The following NPAS2 variants were observed in gnomAD, a reference collection of about 807,000 sequenced individuals.
NPAS2 encodes neuronal PAS domain-containing protein 2.
NPAS2 carries 23 observed loss-of-function variants against 107.5 expected under a neutral mutation model. That is an observed-to-expected ratio of 0.21 (90% CI 0.15 to 0.30). The LOEUF is 0.30. Among genes scored for constraint, NPAS2 ranks in the 10% least tolerant of loss-of-function variants. The pLI is 1.00. For synonymous variants in NPAS2, 403 were observed against 417.5 expected (o/e 0.97, Z 0.42); for missense variants, 756 against 1,043.3 (o/e 0.72, Z 3.79).
chr2:100,995,204 C>T (rs1678375404), intron 20 of NPAS2, 196 bp from the exon 21 acceptor site: 2 of 489,078 alleles, frequency 4.1e-6, no homozygotes, highest in Non-Finnish European at 7.1e-6. Context: ...CTTCAGAATT[C>T]ACCCTAAGGT....
chr2:100,839,466 A>G lies in NPAS2; in HGVS notation c.-23+19052A>G, dbSNP rs562806052. Among the ~76,000 whole-genome samples the G allele has an allele frequency of 6.6e-5, 10 of 152,242 alleles. No individual in the cohort carries two copies. The South Asian group carries it at 2.1e-3, about 32-fold the overall frequency. ...CCTTTATCTTGATGCACTTCCATTT[A>G]GTGAAGAGTAGATAGATCTCCTCTT... is the stretch of plus-strand genomic sequence containing the variant. On this transcript the variant is annotated intron_variant, in intron 1 of 20. Transcript: ENST00000335681.
At chr2:100,988,529 G>T (rs1319727171) in intron 17 of NPAS2, 2 of 497,610 alleles carry the variant, frequency 4.0e-6, no homozygotes, top group South Asian at 4.8e-5. Context: ...CGTGCTTAAA[G>T]ATATCACTCG....
chr2:100,935,426 A>G (rs1332803712), intron 4 of NPAS2, among the ~76,000 whole-genome samples: 1 of 152,194 alleles, frequency 6.6e-6, no homozygotes, highest in African/African-American at 2.4e-5. Context: ...TCACCATTCC[A>G]TGGATAGGGG....
chr2:100,990,518 G>A, intron 18 of NPAS2, 72 bp downstream of exon 18: 1 of 1,497,822 alleles, frequency 6.7e-7, no homozygotes, highest in Non-Finnish European at 9.3e-7. Context: ...TCTACTTTCT[G>A]CTTTAGACGG....
intron 1 of NPAS2, among the ~76,000 whole-genome samples, chr2:100,899,602 G>T (rs1438853554): frequency 1.3e-5 from 2 of 152,174 alleles, no homozygotes; most frequent in Non-Finnish European, 2.9e-5. Context: ...ACAGGAAACT[G>T]GGTGTGGGGA....
intron 10 of NPAS2, among the ~76,000 whole-genome samples, chr2:100,967,469 G>T (rs59710980): frequency 6.6e-5 from 10 of 151,684 alleles, no homozygotes; most frequent in African/African-American, 2.4e-4. Flanking sequence ...CTCATGATCC[G>T]CCTGCCTCAG....
At chr2:100,873,450 C>G (rs1448532237) in intron 1 of NPAS2, among the ~76,000 whole-genome samples, 3 of 150,416 alleles carry the variant, frequency 2.0e-5, no homozygotes, top group Non-Finnish European at 4.4e-5. Flanking sequence ...GATTCATTTT[C>G]TCAATACAAC....
chr2:100,871,513 T>C (rs562050707), intron 1 of NPAS2, among the ~76,000 whole-genome samples: 2 of 152,024 alleles, frequency 1.3e-5, no homozygotes, highest in South Asian at 2.1e-4. Context: ...GTATTTTTGG[T>C]AGAGACAAGG....
chr2:100,873,275 CATATATATATATATAT>C (rs376842348), intron 1 of NPAS2, among the ~76,000 whole-genome samples: 1,442 of 77,160 alleles, frequency 0.019, 28 homozygotes, highest in South Asian at 0.036. Flanking sequence ...AAAAAAAATA[CATATATATATATATAT>C]ATATATATAT....
chr2:100,913,702 C>T (rs746101822), intron 2 of NPAS2, among the ~76,000 whole-genome samples: 3 of 152,038 alleles, frequency 2.0e-5, no homozygotes, highest in Non-Finnish European at 4.4e-5. Context: ...TGAGGAGTTC[C>T]GATTCAATGG....
chr2:100,831,425 A>T (rs1285977487), intron 1 of NPAS2, among the ~76,000 whole-genome samples: 1 of 152,216 alleles, frequency 6.6e-6, no homozygotes, highest in Non-Finnish European at 1.5e-5. Context: ...TTCCCTGGAG[A>T]TCAAGATCTA....
intron 20 of NPAS2, 154 bp from the exon 21 acceptor site, chr2:100,995,246 G>A: frequency 1.8e-6 from 1 of 544,348 alleles, no homozygotes. Flanking sequence ...CACACCCCCA[G>A]GTCTTGCCAG....
At chr2:100,936,120 G>C in intron 4 of NPAS2, among the ~76,000 whole-genome samples, 1 of 152,172 alleles carries the variant, frequency 6.6e-6, no homozygotes, top group Admixed American at 6.5e-5. Flanking sequence ...AATCCTACCA[G>C]CTGTCGGTGT....
At chr2:100,954,884 TTTG>T (rs1675476457) in intron 7 of NPAS2, among the ~76,000 whole-genome samples, 2 of 152,022 alleles carry the variant, frequency 1.3e-5, no homozygotes, top group Non-Finnish European at 2.9e-5. Flanking sequence ...TTTGTTTTTT[TTTG>T]GTTTTTTTGA....
At chr2:100,880,521 A>G (rs535034305) in intron 1 of NPAS2, among the ~76,000 whole-genome samples, 1 of 152,302 alleles carries the variant, frequency 6.6e-6, no homozygotes, top group South Asian at 2.1e-4. Context: ...TAAATGAAAG[A>G]CGCCATGGCA....
Position 100,820,980 on chromosome 2 carries a change from A to T in NPAS2, c.-23+566A>T, listed in dbSNP as rs1435671377. ...CAGACAGCGTGCAGCCTGGCTCCTC[A>T]CGTCGCTGCCGCCCCCCCACCCCAA... is the stretch of plus-strand genomic sequence containing the variant. On this transcript the variant is annotated intron_variant, in intron 1 of 20. Coordinates refer to ENST00000335681, the MANE Select transcript of NPAS2 (RefSeq NM_002518.4). The surrounding 1 kb of genome is among the most constrained non-coding windows in gnomAD (Gnocchi z 5.6). 3.2e-6 allele frequency: 4 copies of T among 1,233,896 alleles called. No individual in the cohort carries two copies. The highest frequency in any genetic ancestry group is 4.2e-6 in the Non-Finnish European group (4 of 941,382). 76.4% of individuals were successfully genotyped at this position (1,233,896 alleles called of 1,614,324 possible). A position where few individuals can be genotyped will look rare whatever the true frequency, so the allele number is the denominator to read the frequency against.
chr2:100,908,912 A>G (rs1372898102), intron 2 of NPAS2, among the ~76,000 whole-genome samples: 2 of 152,228 alleles, frequency 1.3e-5, no homozygotes, highest in African/African-American at 2.4e-5. Flanking sequence ...TGGTTCTGAA[A>G]CATCAGCTAA....
rs769261008 is a variant in NPAS2 at position 100,982,265 on chromosome 2, A to G, written c.1517A>G (p.Lys506Arg). The G allele has an allele frequency of 1.2e-6, 2 of 1,614,242 alleles. No homozygotes were observed. Among genetic ancestry groups the G allele is most frequent in the South Asian group, 2.2e-5 (2 of 91,082 alleles). ...SAQFSMFQTI[K>R]DQLEQRTRIL... is the part of the protein sequence containing the mutation. ...CAGTTCAGCATGTTCCAGACCATCA[A>G]AGACCAGCTAGAGCAGCGGACGCGG... The change falls in exon 16 of 21, where the codon AAA (lysine) becomes AGA (arginine). Residue 506 changes from lysine (K) to arginine (R), a missense_variant. Lys to Arg is a conservative substitution (Grantham distance 26, BLOSUM62 2). Coordinates refer to ENST00000335681, the MANE Select transcript of NPAS2 (RefSeq NM_002518.4).
intron 4 of NPAS2, among the ~76,000 whole-genome samples, 154 bp downstream of exon 4, chr2:100,933,155 G>A (rs181292932): frequency 5.3e-5 from 8 of 152,324 alleles, no homozygotes; most frequent in African/African-American, 1.7e-4. Flanking sequence ...TCTGCCTGCT[G>A]TTGCCTATGG....
Sources: allele counts gnomAD v4.1 joint callset (sites outside exome capture counted in the v4.1 genomes callset), GRCh38; gene constraint gnomAD v4.1.1; non-coding constraint Gnocchi (gnomAD v3.1); transcripts MANE v1.5; gene names NCBI Gene and HGNC (gene_info 2026-07-23, HGNC 2026-07-21).